Variants in MEGF10 observed in about 807,000 individuals in gnomAD.
MEGF10 encodes multiple epidermal growth factor-like domains protein 10.
Under a neutral mutation model 147.5 loss-of-function variants are expected in MEGF10, and 86 were observed. That is an observed-to-expected ratio of 0.58 (90% CI 0.49 to 0.70). MEGF10 has a LOEUF of 0.70. Among genes scored for constraint, MEGF10 ranks in the 30% least tolerant of loss-of-function variants. The probability of loss-of-function intolerance (pLI) is 0.00; values close to 1 mark genes in which losing one functional copy is unlikely to be tolerated. For synonymous variants in MEGF10, 478 were observed against 525.5 expected (o/e 0.91, Z 1.24); for missense variants, 1,329 against 1,487.3 (o/e 0.89, Z 1.75).
chr5:127,318,995 ACC>A (rs1760681116), intron 1 of MEGF10, among the ~76,000 whole-genome samples: 1 of 151,252 alleles, frequency 6.6e-6, no homozygotes, highest in South Asian at 2.1e-4. Flanking sequence ...CTTGTTCCAA[ACC>A]CTTTTCTTTC....
the MEGF10 span, among the ~76,000 whole-genome samples, chr5:127,266,533 T>C: frequency 4.6e-5 from 7 of 152,336 alleles, no homozygotes; most frequent in Non-Finnish European, 1.0e-4. Context: ...TTTCACAATA[T>C]TGATTCTTCC....
chr5:127,349,243 G>T (rs1762003403), intron 4 of MEGF10, among the ~76,000 whole-genome samples: 1 of 152,100 alleles, frequency 6.6e-6, no homozygotes, highest in Non-Finnish European at 1.5e-5. Flanking sequence ...AAGGTTGAAA[G>T]ATAGTTACCT....
chr5:127,244,344 C>A, the MEGF10 span, among the ~76,000 whole-genome samples: 4 of 149,950 alleles, frequency 2.7e-5, no homozygotes, highest in African/African-American at 9.8e-5. Flanking sequence ...CAGCCTCCAG[C>A]CCAGGTGACA....
intron 18 of MEGF10, among the ~76,000 whole-genome samples, chr5:127,441,193 G>A (rs1397908964): frequency 1.3e-5 from 2 of 152,170 alleles, no homozygotes; most frequent in South Asian, 4.1e-4. Flanking sequence ...AGATCCAGTC[G>A]AGCTTTCTTC....
Position 127,455,576 on chromosome 5 carries a change from A to C in MEGF10, c.3201A>C (p.Ser1067=). 5 of 1,614,142 alleles carry C rather than the reference A, an allele frequency of 3.1e-6. No individual in the cohort carries two copies. In the South Asian group the frequency reaches 5.5e-5, roughly 18 times the overall value. The change falls in exon 24 of 25, where the codon TCA becomes TCC. Residue 1067 remains serine, a synonymous_variant. Coordinates refer to ENST00000503335, the MANE Select transcript of MEGF10 (RefSeq NM_001256545.2). ...RDSPYAEINN[S]TSANRNVYEV... is the part of the protein sequence containing the mutation. Reference sequence around the variant, plus strand: ...CCCCATATGCAGAGATCAATAACTCAACTTCAGCCAACAGGAATGTCTATG... The same window carrying C: ...CCCCATATGCAGAGATCAATAACTCCACTTCAGCCAACAGGAATGTCTATG...
chr5:127,422,539 G>T (rs757380863), intron 12 of MEGF10, 131 bp from the exon 13 acceptor site: 1 of 649,214 alleles, frequency 1.5e-6, no homozygotes, highest in Admixed American at 2.9e-5. Context: ...AATAAATAAA[G>T]ATACATCCCT....
At chr5:127,399,093 C>T (rs1178127842) in intron 7 of MEGF10, among the ~76,000 whole-genome samples, 2 of 152,170 alleles carry the variant, frequency 1.3e-5, no homozygotes, top group East Asian at 3.8e-4. Flanking sequence ...TATCTAGTCT[C>T]ACATGACAGT....
the MEGF10 span, among the ~76,000 whole-genome samples, chr5:127,238,655 T>C: frequency 6.6e-6 from 1 of 152,104 alleles, no homozygotes; most frequent in African/African-American, 2.4e-5. Context: ...ACCTCCACAC[T>C]TCACTTCTTC....
chr5:127,413,919 T>C (rs897472153), intron 9 of MEGF10, among the ~76,000 whole-genome samples: 6 of 152,222 alleles, frequency 3.9e-5, no homozygotes, highest in Non-Finnish European at 7.3e-5. Flanking sequence ...TCATCCAAAT[T>C]GTCTATTTTC....
chr5:127,245,554 A>G, the MEGF10 span, among the ~76,000 whole-genome samples: 2 of 152,236 alleles, frequency 1.3e-5, no homozygotes, highest in African/African-American at 4.8e-5. Context: ...ATGGGCAAAG[A>G]CTTCATGACT....
intron 18 of MEGF10, among the ~76,000 whole-genome samples, chr5:127,442,194 A>C (rs554713206): frequency 2.8e-4 from 42 of 152,338 alleles, no homozygotes; most frequent in African/African-American, 9.4e-4. Flanking sequence ...TCAACAGCAA[A>C]TTAAAGTGTC....
At chr5:127,353,666 G>A (rs1319379698) in intron 4 of MEGF10, among the ~76,000 whole-genome samples, 1 of 152,196 alleles carries the variant, frequency 6.6e-6, no homozygotes, top group Non-Finnish European at 1.5e-5. Flanking sequence ...CACATGCCTT[G>A]TCTTCTCCTG....
chr5:127,259,588 C>T, the MEGF10 span, among the ~76,000 whole-genome samples: 1 of 152,140 alleles, frequency 6.6e-6, no homozygotes, highest in Non-Finnish European at 1.5e-5. Context: ...TTTTGTGTGG[C>T]TTATACTGCT....
the MEGF10 span, among the ~76,000 whole-genome samples, chr5:127,257,277 G>T: frequency 6.8e-6 from 1 of 148,052 alleles, no homozygotes; most frequent in East Asian, 2.0e-4. Context: ...TCCTAGGGGA[G>T]AGTCTTAAGA....
intron 1 of MEGF10, among the ~76,000 whole-genome samples, chr5:127,309,789 C>A (rs186026046): frequency 6.6e-6 from 1 of 152,012 alleles, no homozygotes; most frequent in Admixed American, 6.6e-5. Context: ...GCTTTCAATT[C>A]TTTTTTGGGT....
chr5:127,277,461 A>G, the MEGF10 span, among the ~76,000 whole-genome samples: 1 of 152,186 alleles, frequency 6.6e-6, no homozygotes, highest in African/African-American at 2.4e-5. Flanking sequence ...CAAACCCAAG[A>G]AACCTCCTGC....
intron 1 of MEGF10, among the ~76,000 whole-genome samples, chr5:127,304,879 C>A (rs961344555): frequency 6.6e-6 from 1 of 152,174 alleles, no homozygotes; most frequent in Non-Finnish European, 1.5e-5. Context: ...TTACCAGAAA[C>A]CAAATTGGCT....
chr5:127,450,037 T>C (rs560321925), intron 22 of MEGF10, among the ~76,000 whole-genome samples: 7 of 152,336 alleles, frequency 4.6e-5, no homozygotes, highest in African/African-American at 1.7e-4. Context: ...AGCAATGCTA[T>C]TTTACATTTT....
chr5:127,301,711 A>G (rs1398045584), intron 1 of MEGF10, among the ~76,000 whole-genome samples: 1 of 152,208 alleles, frequency 6.6e-6, no homozygotes, highest in Admixed American at 6.5e-5. Context: ...TCAAATGTGA[A>G]AAGATAATAG....
Sources: allele counts gnomAD v4.1 joint callset (sites outside exome capture counted in the v4.1 genomes callset), GRCh38; gene constraint gnomAD v4.1.1; transcripts MANE v1.5; gene names NCBI Gene and HGNC (gene_info 2026-07-23, HGNC 2026-07-21).